The following CABIN1 variants were observed in gnomAD, a reference collection of about 807,000 sequenced individuals.
CABIN1 encodes calcineurin binding protein 1, also known as calcineurin-binding protein cabin-1.
In CABIN1, 133 loss-of-function variants were observed where a neutral mutation model predicts 227.7. The observed-to-expected ratio is 0.58, with a 90% CI of 0.51 to 0.67. The LOEUF (loss-of-function observed/expected upper bound fraction) is 0.67. CABIN1 is among the 30% of genes least tolerant of loss of function. CABIN1 has a pLI of 0.00. For missense variants in CABIN1, 2,408 were observed against 2,852.5 expected, an observed-to-expected ratio of 0.84 and a Z score of 3.55; for synonymous variants, 1,086 against 1,155.1, an observed-to-expected ratio of 0.94 and a Z score of 1.21.
intron 29 of CABIN1, among the ~76,000 whole-genome samples, chr22:24,141,462 C>T (rs887414545): frequency 2.0e-5 from 3 of 152,236 alleles, no homozygotes; most frequent in Non-Finnish European, 4.4e-5. Context: ...CCTTTCTCAC[C>T]TGTGCCGGGG....
intron 29 of CABIN1, among the ~76,000 whole-genome samples, chr22:24,143,613 T>G (rs975140190): frequency 5.3e-5 from 8 of 152,194 alleles, no homozygotes; most frequent in Non-Finnish European, 1.0e-4. Context: ...GGCCTGGCTG[T>G]GCCTGGCCTT....
At chr22:24,061,925 C>T in intron 12 of CABIN1, 22 bp from the exon 13 acceptor site, 1 of 1,599,266 alleles carries the variant, frequency 6.3e-7, no homozygotes, top group Non-Finnish European at 8.6e-7. Flanking sequence ...CTGTTCTTGA[C>T]CTTCCTGTGT....
Position 24,062,058 on chromosome 22 carries a change from A to G in CABIN1, c.1696+33A>G, listed in dbSNP as rs2039231076. On this transcript the variant is annotated intron_variant, in intron 13 of 36. Coordinates refer to ENST00000263119, the MANE Select transcript of CABIN1 (RefSeq NM_012295.4). ...GCATTATGTGTTCTGTGGCCAGGCT[A>G]ATATCTGAACCCCCAGCAGCTGGGA... 1.1e-5 allele frequency: 17 copies of G among 1,553,868 alleles called. No individual in the cohort carries two copies. The South Asian group carries it at 1.4e-4, about 13-fold the overall frequency.
rs5751799 is a variant in CABIN1 at position 24,050,151 on chromosome 22, T to G, written c.657-674T>G. Among the ~76,000 whole-genome samples, 1,197 of 152,334 alleles carry G rather than the reference T, an allele frequency of 7.9e-3. 40 individuals are homozygous for G. The highest frequency in any genetic ancestry group is 0.078 in the East Asian group (405 of 5,184). On this transcript the variant is annotated intron_variant, in intron 7 of 36. Transcript: ENST00000263119. ...GTGATTTATCTTGGCGTCTATCCCC[T>G]GTGAGCCTGTCCCTCTCCTGAAGGA...
At chr22:24,150,811 A>G (rs999240258) in intron 29 of CABIN1, among the ~76,000 whole-genome samples, 5 of 152,174 alleles carry the variant, frequency 3.3e-5, no homozygotes, top group Admixed American at 1.3e-4. Flanking sequence ...GCATCTTGTC[A>G]GTGTGGGAGC....
intron 29 of CABIN1, among the ~76,000 whole-genome samples, chr22:24,141,732 C>T (rs990134085): frequency 1.3e-5 from 2 of 152,224 alleles, no homozygotes; most frequent in Non-Finnish European, 2.9e-5. Context: ...CACCGGTAGC[C>T]AGTCCCCTTT....
intron 27 of CABIN1, among the ~76,000 whole-genome samples, chr22:24,116,791 G>A (rs547608110): frequency 2.0e-3 from 306 of 152,320 alleles, no homozygotes; most frequent in Middle Eastern, 3.4e-3. Flanking sequence ...CTGGGGGCAT[G>A]TCTGTGCCTT....
chr22:24,048,306 T>C (rs942701989), intron 6 of CABIN1, among the ~76,000 whole-genome samples: 2 of 152,226 alleles, frequency 1.3e-5, no homozygotes, highest in African/African-American at 4.8e-5. Flanking sequence ...TGGCCTTCTT[T>C]CTGGTCAGTA....
intron 7 of CABIN1, 22 bp from the exon 8 acceptor site, chr22:24,050,802 CT>C: frequency 6.2e-7 from 1 of 1,614,046 alleles, no homozygotes; most frequent in East Asian, 2.2e-5. Flanking sequence ...ATGATAATTT[CT>C]CCCTGTCTCA....
intron 10 of CABIN1, among the ~76,000 whole-genome samples, chr22:24,058,858 C>G (rs1026077221): frequency 6.6e-6 from 1 of 152,174 alleles, no homozygotes; most frequent in Non-Finnish European, 1.5e-5. Context: ...TGAGGTGGTC[C>G]TTATTTGGGT....
chr22:24,106,846 A>G (rs2042547857), intron 26 of CABIN1, among the ~76,000 whole-genome samples: 1 of 152,200 alleles, frequency 6.6e-6, no homozygotes, highest in Non-Finnish European at 1.5e-5. Flanking sequence ...ATTGACGTGA[A>G]AGAATTGAAA....
At chr22:24,175,763 A>G (rs867727533) in intron 34 of CABIN1, 78 of 421,016 alleles carry the variant, frequency 1.9e-4, no homozygotes, top group African/African-American at 1.5e-3. Flanking sequence ...CTGGAGGGAG[A>G]GTGGACACTG....
At chr22:24,037,863 C>G (rs1207597760) in intron 3 of CABIN1, among the ~76,000 whole-genome samples, 1 of 152,184 alleles carries the variant, frequency 6.6e-6, no homozygotes, top group Non-Finnish European at 1.5e-5. Context: ...TCTGTAAAAT[C>G]AGGGATTCTC....
chr22:24,117,393 C>G (rs578108233), intron 27 of CABIN1, among the ~76,000 whole-genome samples: 3 of 152,296 alleles, frequency 2.0e-5, no homozygotes, highest in African/African-American at 7.2e-5. Flanking sequence ...GAAATGAGAT[C>G]TTGCTGTGTT....
At chr22:24,172,716 G>A (rs2046889137) in intron 34 of CABIN1, among the ~76,000 whole-genome samples, 1 of 152,332 alleles carries the variant, frequency 6.6e-6, no homozygotes, top group Admixed American at 6.5e-5. Flanking sequence ...CTTTGGGGAG[G>A]GGATGTAGAG....
chr22:24,070,240 T>C (rs527869612), intron 16 of CABIN1, among the ~76,000 whole-genome samples: 3 of 152,334 alleles, frequency 2.0e-5, no homozygotes, highest in African/African-American at 7.2e-5. Flanking sequence ...GAGGGGATGA[T>C]GTGGTGGCTG....
At chr22:24,073,416 A>T (rs896200945) in intron 18 of CABIN1, among the ~76,000 whole-genome samples, 1 of 152,232 alleles carries the variant, frequency 6.6e-6, no homozygotes, top group African/African-American at 2.4e-5. Context: ...AAAACAAGAA[A>T]AGTGGAAAGG....
At chr22:24,150,941 C>G (rs1338785452) in intron 29 of CABIN1, among the ~76,000 whole-genome samples, 2 of 152,282 alleles carry the variant, frequency 1.3e-5, no homozygotes, top group Middle Eastern at 3.4e-3. Flanking sequence ...TCTTTCTGGT[C>G]ACATCTCAAA....
chr22:24,162,623 A>G (rs1484351363), intron 29 of CABIN1, among the ~76,000 whole-genome samples: 2 of 152,352 alleles, frequency 1.3e-5, no homozygotes, highest in Middle Eastern at 3.4e-3. Context: ...CAAATGTAAA[A>G]TGCTGCCTTT....
Sources: gnomAD v4.1 joint callset for allele counts (sites outside exome capture counted in the v4.1 genomes callset) on GRCh38, gnomAD v4.1.1 for gene constraint, MANE v1.5 for transcripts, NCBI Gene and HGNC (gene_info 2026-07-23, HGNC 2026-07-21) for gene names.